Variants in ZNF69 observed in about 807,000 individuals in gnomAD.
The protein encoded by ZNF69 is zinc finger protein 69, also known as ZNF3.
A neutral mutation model predicts 50.9 loss-of-function variants in ZNF69; 47 were observed. The ratio of observed to expected loss-of-function variants is 0.92; its 90% confidence interval spans 0.73 to 1.18. The LOEUF is 1.18. Among genes scored for constraint, ZNF69 ranks in the 50% most tolerant of loss-of-function variants. ZNF69 has a pLI of 0.00. For synonymous variants in ZNF69, 216 were observed against 223.1 expected, an observed-to-expected ratio of 0.97 and a Z score of 0.29; for missense variants, 717 against 675.1, an observed-to-expected ratio of 1.06 and a Z score of -0.69.
the ZNF69 span, chr19:11,976,897 G>T: frequency 1.3e-6 from 2 of 1,523,174 alleles, no homozygotes; most frequent in Non-Finnish European, 1.8e-6. Flanking sequence ...ATGGAAGAAA[G>T]TACAGAAAGC....
chr19:11,910,825 A>T (rs532345851), downstream of ZNF69, among the ~76,000 whole-genome samples: 2 of 152,224 alleles, frequency 1.3e-5, no homozygotes, highest in Admixed American at 1.3e-4. Flanking sequence ...GACAAATGGG[A>T]TCTAATTAAA....
At chr19:11,952,697 A>G in the ZNF69 span, among the ~76,000 whole-genome samples, 2 of 152,196 alleles carry the variant, frequency 1.3e-5, no homozygotes, top group African/African-American at 2.4e-5. Flanking sequence ...CAGATAATGC[A>G]TCCTCATCAG....
chr19:11,921,069 G>A, the ZNF69 span, among the ~76,000 whole-genome samples: 2 of 152,104 alleles, frequency 1.3e-5, no homozygotes, highest in Admixed American at 6.6e-5. Context: ...GTCCCAAAGT[G>A]CCCCTTTCTA....
chr19:11,949,085 G>A, the ZNF69 span: 31 of 1,611,524 alleles, frequency 1.9e-5, 1 homozygote, highest in Non-Finnish European at 2.3e-5. Flanking sequence ...ACACACATAA[G>A]AATGAACTCT....
chr19:11,927,790 T>G, the ZNF69 span, among the ~76,000 whole-genome samples: 1 of 152,234 alleles, frequency 6.6e-6, no homozygotes, highest in Non-Finnish European at 1.5e-5. Context: ...GCAGGCATCT[T>G]CAGGCTGTTT....
At chr19:11,930,628 C>A in the ZNF69 span, among the ~76,000 whole-genome samples, 1 of 148,232 alleles carries the variant, frequency 6.7e-6, no homozygotes, top group African/African-American at 2.6e-5. Context: ...ACCATTTGTC[C>A]CTGCTTTTTC....
the ZNF69 span, among the ~76,000 whole-genome samples, chr19:11,963,049 G>A: frequency 6.6e-6 from 1 of 150,668 alleles, no homozygotes; most frequent in African/African-American, 2.5e-5. Context: ...ATCCAAGGGG[G>A]TCAGGGTTTC....
At chr19:11,969,436 A>G in the ZNF69 span, among the ~76,000 whole-genome samples, 1 of 152,012 alleles carries the variant, frequency 6.6e-6, no homozygotes, top group Admixed American at 6.5e-5. Flanking sequence ...CTATATAGGT[A>G]GAAAATTTCT....
At chr19:11,946,870 C>A in the ZNF69 span, 1 of 301,212 alleles carries the variant, frequency 3.3e-6, no homozygotes, top group Non-Finnish European at 5.9e-6. Flanking sequence ...CGTGGTGGTA[C>A]ATGCCTATAA....
At chr19:11,958,501 C>G in the ZNF69 span, among the ~76,000 whole-genome samples, 825 of 152,302 alleles carry the variant, frequency 5.4e-3, 6 homozygotes, top group African/African-American at 0.018. Context: ...ACAAAAGACA[C>G]CATAGGTCAG....
the ZNF69 span, chr19:11,947,531 C>G: frequency 2.4e-5 from 38 of 1,613,116 alleles, no homozygotes; most frequent in South Asian, 3.6e-4. Context: ...ATGGAGTGAC[C>G]AGAACATTGA....
At chr19:11,899,766 G>A (rs1310001646) in intron 1 of ZNF69, among the ~76,000 whole-genome samples, 4 of 152,144 alleles carry the variant, frequency 2.6e-5, no homozygotes, top group Non-Finnish European at 5.9e-5. Context: ...GTAGGAATGA[G>A]ACTACTGAAT....
chr19:11,932,568 C>T, the ZNF69 span, among the ~76,000 whole-genome samples: 22 of 147,794 alleles, frequency 1.5e-4, 1 homozygote, highest in South Asian at 4.6e-3. Context: ...TATACTTCCC[C>T]AACCTGGGTA....
At chr19:11,901,646 G>A (rs1972246579) in intron 1 of ZNF69, among the ~76,000 whole-genome samples, 1 of 152,028 alleles carries the variant, frequency 6.6e-6, no homozygotes, top group Non-Finnish European at 1.5e-5. Context: ...CACCATGCCT[G>A]GCTAATTTTT....
chr19:11,913,415 A>G, exon 5 of ZNF69: 1 of 573,384 alleles, frequency 1.7e-6, no homozygotes, highest in Non-Finnish European at 3.2e-6. Context: ...CCAGAAAAAA[A>G]TCTCACTCTG....
chr19:11,949,023 G>GT, the ZNF69 span: 1 of 1,606,538 alleles, frequency 6.2e-7, no homozygotes, highest in East Asian at 2.2e-5. Context: ...GGAAAAAACC[G>GT]TATGAATGTA....
the ZNF69 span, among the ~76,000 whole-genome samples, chr19:11,922,480 C>A: frequency 6.6e-6 from 1 of 152,202 alleles, no homozygotes; most frequent in Non-Finnish European, 1.5e-5. Flanking sequence ...TTTACCACAA[C>A]AATGGGATTC....
the ZNF69 span, among the ~76,000 whole-genome samples, chr19:11,942,426 G>A: frequency 1.3e-5 from 2 of 152,046 alleles, no homozygotes; most frequent in Non-Finnish European, 2.9e-5. Context: ...AGACATTAGG[G>A]ACAGCCCAGG....
chr19:11,941,052 T>A, the ZNF69 span, among the ~76,000 whole-genome samples: 1 of 151,962 alleles, frequency 6.6e-6, no homozygotes, highest in Non-Finnish European at 1.5e-5. Flanking sequence ...CTCACCAGAG[T>A]AGCTAGATAC....
Sources: allele counts gnomAD v4.1 joint callset (sites outside exome capture counted in the v4.1 genomes callset), GRCh38; gene constraint gnomAD v4.1.1; transcripts MANE v1.5; gene names NCBI Gene and HGNC (gene_info 2026-07-23, HGNC 2026-07-21).